Variants in NHSL1 observed in about 807,000 individuals in gnomAD.
NHSL1 encodes the protein NHS like 1.
Under a neutral mutation model 95.0 loss-of-function variants are expected in NHSL1, and 48 were observed. The ratio of observed to expected loss-of-function variants is 0.51; its 90% CI spans 0.40 to 0.64. The LOEUF is 0.64. Ranked by LOEUF, NHSL1 falls within the 30% of genes least tolerant of loss-of-function variation. The probability of loss-of-function intolerance (pLI) is 0.00; values close to 1 mark genes in which losing one functional copy is unlikely to be tolerated. For synonymous variants in NHSL1, 783 were observed against 833.9 expected, an observed-to-expected ratio of 0.94 and a Z score of 1.05; for missense variants, 1,971 against 2,077.7, an observed-to-expected ratio of 0.95 and a Z score of 1.00.
intron 1 of NHSL1, among the ~76,000 whole-genome samples, chr6:138,537,943 G>T (rs1782425855): frequency 6.6e-6 from 1 of 152,164 alleles, no homozygotes; most frequent in African/African-American, 2.4e-5. Flanking sequence ...TTTCCTGGGG[G>T]TAGGAACAGT....
intron 1 of NHSL1, chr6:138,650,164 G>C: frequency 3.6e-6 from 2 of 560,528 alleles, no homozygotes; most frequent in Admixed American, 2.2e-5. Flanking sequence ...TCCCGAGATG[G>C]TCAGGCCTCA....
chr6:138,660,590 G>A (rs564469376), intron 1 of NHSL1, among the ~76,000 whole-genome samples: 2 of 150,752 alleles, frequency 1.3e-5, no homozygotes, highest in East Asian at 2.0e-4. Context: ...GCAGTGAGCC[G>A]AGATCGCGCC....
intron 1 of NHSL1, among the ~76,000 whole-genome samples, chr6:138,672,451 C>T (rs965197590): frequency 1.3e-5 from 2 of 152,082 alleles, no homozygotes; most frequent in Non-Finnish European, 2.9e-5. Flanking sequence ...TAGGTAATTA[C>T]TATCTATAAC....
chr6:138,635,493 CA>C (rs1784875665), intron 1 of NHSL1, among the ~76,000 whole-genome samples: 1 of 152,024 alleles, frequency 6.6e-6, no homozygotes, highest in South Asian at 2.1e-4. Flanking sequence ...TGAAGAAATC[CA>C]AAACCTGAAC....
At chr6:138,458,710 C>T (rs937185533) in intron 3 of NHSL1, among the ~76,000 whole-genome samples, 12 of 151,974 alleles carry the variant, frequency 7.9e-5, no homozygotes, top group African/African-American at 2.7e-4. Context: ...CCTGTAGTCC[C>T]AGCTACTCGG....
chr6:138,650,214 T>C, intron 1 of NHSL1: 1 of 617,742 alleles, frequency 1.6e-6, no homozygotes, highest in South Asian at 1.5e-5. Context: ...TTTAGATGAT[T>C]CAGGTTACTC....
intron 5 of NHSL1, among the ~76,000 whole-genome samples, chr6:138,441,116 A>T (rs1453478337): frequency 6.6e-6 from 1 of 152,228 alleles, no homozygotes; most frequent in African/African-American, 2.4e-5. Flanking sequence ...TAACATCACC[A>T]AGCCCGTTTG....
intron 1 of NHSL1, among the ~76,000 whole-genome samples, chr6:138,531,996 T>G (rs1261171169): frequency 6.6e-6 from 1 of 152,150 alleles, no homozygotes; most frequent in East Asian, 1.9e-4. Context: ...AACAGACAGA[T>G]GTATGACACT....
upstream of NHSL1, among the ~76,000 whole-genome samples, chr6:138,574,687 A>AG (rs1783939003): frequency 8.5e-6 from 1 of 118,196 alleles, no homozygotes. Context: ...AAAAAAAAAA[A>AG]GAAAAGAAAA....
At chr6:138,610,561 T>A (rs1583448013) in intron 1 of NHSL1, among the ~76,000 whole-genome samples, 1 of 53,034 alleles carries the variant, frequency 1.9e-5, no homozygotes, top group Admixed American at 1.6e-4. Flanking sequence ...ATATATATAT[T>A]ATATATATAT....
chr6:138,618,426 G>A (rs1050188543), intron 1 of NHSL1, among the ~76,000 whole-genome samples: 1 of 152,176 alleles, frequency 6.6e-6, no homozygotes, highest in Non-Finnish European at 1.5e-5. Flanking sequence ...CAGTAGTTGT[G>A]TTCAAGTCCC....
At chr6:138,523,033 C>G (rs987999522) in intron 1 of NHSL1, among the ~76,000 whole-genome samples, 1 of 151,726 alleles carries the variant, frequency 6.6e-6, no homozygotes, top group Non-Finnish European at 1.5e-5. Context: ...CCACCCCCAC[C>G]CTTTCATGAT....
chr6:138,657,082 G>T (rs1329414398), intron 1 of NHSL1, among the ~76,000 whole-genome samples: 1 of 151,930 alleles, frequency 6.6e-6, no homozygotes, highest in Non-Finnish European at 1.5e-5. Context: ...CATAGATAAC[G>T]TATCATTAGG....
At chr6:138,491,970 T>C (rs1440861503) in intron 2 of NHSL1, among the ~76,000 whole-genome samples, 4 of 152,222 alleles carry the variant, frequency 2.6e-5, no homozygotes. Flanking sequence ...AACCTGTACA[T>C]GTTTGTATCT....
chr6:138,486,011 C>T (rs755330558), intron 2 of NHSL1, among the ~76,000 whole-genome samples: 2 of 152,268 alleles, frequency 1.3e-5, no homozygotes, highest in South Asian at 2.1e-4. Context: ...TCTCTGGCTC[C>T]GTCTCATAAC....
intron 2 of NHSL1, among the ~76,000 whole-genome samples, chr6:138,489,390 C>T (rs73573270): frequency 0.12 from 18,343 of 152,112 alleles, 1,483 homozygotes; most frequent in African/African-American, 0.22. Context: ...CTCAAGTAAC[C>T]TATACCTAGT....
Position 138,423,981 on chromosome 6 carries a change from G to T in NHSL1, c.*100C>A, listed in dbSNP as rs574901838. On this transcript the variant is annotated 3_prime_UTR_variant, in exon 8 of 8. Transcript: ENST00000343505. ...GGGCCCACAGCACAGAAGCAGAGTG[G>T]GCTCCCCGGGTGAGCCAGGGAAGGG... 6.6e-6 allele frequency: 8 copies of T among 1,206,356 alleles called. No individual in the cohort carries two copies. In the African/African-American group the frequency reaches 1.2e-4, roughly 19 times the overall value. The allele number at this position is 1,206,356 out of a possible 1,614,324, so 74.7% of individuals were successfully genotyped here.
intron 1 of NHSL1, among the ~76,000 whole-genome samples, chr6:138,671,227 C>T (rs554871705): frequency 6.6e-6 from 1 of 151,950 alleles, no homozygotes; most frequent in Non-Finnish European, 1.5e-5. Flanking sequence ...GAGGCCGAGG[C>T]GGGCAGATCA....
In NHSL1 at chr6:138,430,378, G is replaced by C; in HGVS notation, c.3952+15C>G. ...CAGAGGGCACAGGAGAGAGAAGCCA[G>C]GAAGCCAGACTCACCTGCTCCGTCC... On this transcript the variant is annotated intron_variant, in intron 6 of 7. Transcript: ENST00000343505. The surrounding 1 kb of genome is among the most constrained non-coding windows in gnomAD (Gnocchi z 4.7). 1 of 1,451,084 alleles carries C rather than the reference G, an allele frequency of 6.9e-7. No individual in the cohort carries two copies. The highest frequency in any genetic ancestry group is 9.1e-7 in the Non-Finnish European group (1 of 1,097,924). 89.9% of individuals were successfully genotyped at this position (1,451,084 alleles called of 1,614,324 possible). A position where few individuals can be genotyped will look rare whatever the true frequency, so the allele number is the denominator to read the frequency against.
Sources: allele counts gnomAD v4.1 joint callset (sites outside exome capture counted in the v4.1 genomes callset), GRCh38; gene constraint gnomAD v4.1.1; non-coding constraint Gnocchi (gnomAD v3.1); transcripts MANE v1.5; gene names NCBI Gene and HGNC (gene_info 2026-07-23, HGNC 2026-07-21).